SLC24A2: variants seen among roughly 807,000 people sequenced by gnomAD.
SLC24A2 encodes solute carrier family 24 member 2, also known as sodium/potassium/calcium exchanger 2.
Under a neutral mutation model 62.0 loss-of-function variants are expected in SLC24A2, and 36 were observed. The observed-to-expected ratio is 0.58, with a 90% CI of 0.44 to 0.77. The LOEUF (loss-of-function observed/expected upper bound fraction) is 0.77, where lower values mean the gene tolerates loss of function less well. SLC24A2 is among the 30% of genes least tolerant of loss of function. The pLI is 0.00. For missense variants in SLC24A2, 846 were observed against 817.9 expected, an observed-to-expected ratio of 1.03 and a Z score of -0.42; for synonymous variants, 358 against 294.0, an observed-to-expected ratio of 1.22 and a Z score of -2.23.
chr9:19,833,701 C>T, the SLC24A2 span, among the ~76,000 whole-genome samples: 2 of 152,240 alleles, frequency 1.3e-5, no homozygotes, highest in African/African-American at 4.8e-5. Context: ...ACTTAAATGT[C>T]CCTGTGTGAC....
rs1823171448 is a variant in SLC24A2, at chr9:19,786,344, C to A, written c.523G>T (p.Ala175Ser). 1.9e-6 allele frequency: 3 copies of A among 1,614,002 alleles called. No homozygotes were observed. ...TEKLGISDDV[A>S]GATFMAAGGS... ...CCTGCAGCCATGAAGGTGGCTCCAG[C>A]CACATCATCAGAGATGCCCAGTTTT... Residue 175 changes from alanine (A) to serine (S), a missense_variant, in exon 2 of 11, where the codon GCT becomes TCT. Ala to Ser is a moderately conservative substitution (Grantham distance 99, BLOSUM62 1). Transcript: ENST00000341998. This position sits in a 1 kb window ranked among gnomAD's most constrained non-coding sequence, Gnocchi z 5.0.
intron 7 of SLC24A2, among the ~76,000 whole-genome samples, chr9:19,566,446 A>G (rs1835655084): frequency 6.7e-6 from 1 of 149,802 alleles, no homozygotes; most frequent in Admixed American, 6.7e-5. Flanking sequence ...GGCAATCATT[A>G]AAAAGTCAGG....
Position 19,515,130 on chromosome 9 carries a change from A to G in SLC24A2, c.*1023T>C, listed in dbSNP as rs1417822529. ...ACTTACCCCTCTTCTTTTGATGATA[A>G]TGGGACATGCGCTGGAAAAATACAG... On this transcript the variant is annotated 3_prime_UTR_variant, in exon 11 of 11. Coordinates refer to ENST00000341998, the MANE Select transcript of SLC24A2 (RefSeq NM_020344.4). 1 of 152,174 alleles carries G rather than the reference A, an allele frequency of 6.6e-6. No homozygotes were observed. The highest frequency in any genetic ancestry group is 2.4e-5 in the African/African-American group (1 of 41,442). 9.4% of individuals were successfully genotyped at this position (152,174 alleles called of 1,614,324 possible). A position where few individuals can be genotyped will look rare whatever the true frequency, so the allele number is the denominator to read the frequency against.
chr9:19,823,721 C>G, the SLC24A2 span, among the ~76,000 whole-genome samples: 1 of 152,206 alleles, frequency 6.6e-6, no homozygotes, highest in African/African-American at 2.4e-5. Context: ...CAACACAGTC[C>G]TAAGCAAAAA....
the SLC24A2 span, among the ~76,000 whole-genome samples, chr9:19,849,407 G>T: frequency 3.3e-5 from 5 of 152,040 alleles, no homozygotes; most frequent in African/African-American, 1.2e-4. Flanking sequence ...AGACACTATT[G>T]TTCAACTCAA....
chr9:20,104,237 A>G, the SLC24A2 span, among the ~76,000 whole-genome samples: 1 of 152,236 alleles, frequency 6.6e-6, no homozygotes, highest in African/African-American at 2.4e-5. Flanking sequence ...TGTACCTGAA[A>G]GTGATGGGGA....
chr9:20,096,360 C>T, the SLC24A2 span, among the ~76,000 whole-genome samples: 19,726 of 152,130 alleles, frequency 0.13, 2,098 homozygotes, highest in East Asian at 0.59. Flanking sequence ...ATATGTATCA[C>T]TGATTATTGA....
intron 8 of SLC24A2, among the ~76,000 whole-genome samples, chr9:19,545,419 C>G (rs1454110555): frequency 3.3e-5 from 5 of 152,022 alleles, no homozygotes; most frequent in Non-Finnish European, 7.4e-5. Flanking sequence ...CTTTCTGAAG[C>G]TTACTTCTGT....
the SLC24A2 span, among the ~76,000 whole-genome samples, chr9:20,087,715 A>C: frequency 6.6e-6 from 1 of 152,222 alleles, no homozygotes; most frequent in Non-Finnish European, 1.5e-5. Context: ...GACTAGAAGC[A>C]GCTAGTGTGC....
chr9:20,126,338 T>G, the SLC24A2 span, among the ~76,000 whole-genome samples: 1 of 152,190 alleles, frequency 6.6e-6, no homozygotes, highest in Non-Finnish European at 1.5e-5. Flanking sequence ...TACTCATTTT[T>G]CTACTAGGTT....
At chr9:19,548,616 C>A (rs1402865387) in intron 8 of SLC24A2, among the ~76,000 whole-genome samples, 1 of 152,198 alleles carries the variant, frequency 6.6e-6, no homozygotes, top group African/African-American at 2.4e-5. Context: ...AGATCAAAGT[C>A]TCCTGATTGG....
intron 2 of SLC24A2, among the ~76,000 whole-genome samples, chr9:19,758,914 T>C (rs908021877): frequency 9.9e-5 from 15 of 152,162 alleles, no homozygotes; most frequent in African/African-American, 3.6e-4. Context: ...CTTGATTCAA[T>C]AGCTTACCCC....
chr9:19,754,295 G>C (rs959980322), intron 2 of SLC24A2, among the ~76,000 whole-genome samples: 1 of 152,090 alleles, frequency 6.6e-6, no homozygotes, highest in Admixed American at 6.6e-5. Flanking sequence ...GAAGCCACCC[G>C]TCTATCCTCC....
At chr9:20,200,844 C>G in the SLC24A2 span, among the ~76,000 whole-genome samples, 1 of 152,008 alleles carries the variant, frequency 6.6e-6, no homozygotes, top group Admixed American at 6.5e-5. Flanking sequence ...GCTTTTGGAC[C>G]GTAGTGTTAT....
At chr9:20,231,813 C>A in the SLC24A2 span, among the ~76,000 whole-genome samples, 85 of 152,114 alleles carry the variant, frequency 5.6e-4, no homozygotes, top group Admixed American at 1.7e-3. Flanking sequence ...GTCTTGTGCC[C>A]GTTTTCATAG....
intron 4 of SLC24A2, among the ~76,000 whole-genome samples, chr9:19,601,201 T>C (rs531686418): frequency 6.6e-6 from 1 of 152,160 alleles, no homozygotes; most frequent in Admixed American, 6.6e-5. Flanking sequence ...CAGTGCTCTG[T>C]AAAATTGCAC....
chr9:20,165,129 T>C, the SLC24A2 span, among the ~76,000 whole-genome samples: 1 of 151,640 alleles, frequency 6.6e-6, no homozygotes, highest in Non-Finnish European at 1.5e-5. Context: ...AAACTTAAAG[T>C]ATAATAATAA....
chr9:20,237,399 G>A, the SLC24A2 span, among the ~76,000 whole-genome samples: 5 of 152,152 alleles, frequency 3.3e-5, no homozygotes, highest in African/African-American at 7.2e-5. Context: ...GCCAGAAGAT[G>A]GCAGAGCAGT....
the SLC24A2 span, among the ~76,000 whole-genome samples, chr9:19,813,278 G>A: frequency 6.8e-6 from 1 of 147,868 alleles, no homozygotes. Flanking sequence ...AGAAGCAGTT[G>A]CAAATGATCA....
Sources: allele counts gnomAD v4.1 joint callset (sites outside exome capture counted in the v4.1 genomes callset), GRCh38; gene constraint gnomAD v4.1.1; non-coding constraint Gnocchi (gnomAD v3.1); transcripts MANE v1.5; gene names NCBI Gene and HGNC (gene_info 2026-07-23, HGNC 2026-07-21).